CCDC71L: variants seen among roughly 807,000 people sequenced by gnomAD.
CCDC71L encodes coiled-coil domain containing 71 like.
CCDC71L carries 6 observed loss-of-function variants against 10.2 expected under a neutral mutation model. The ratio of observed to expected loss-of-function variants is 0.59; its 90% CI spans 0.32 to 1.16. The LOEUF (loss-of-function observed/expected upper bound fraction) is 1.16, where lower values mean the gene tolerates loss of function less well. Among genes scored for constraint, CCDC71L ranks in the 50% most tolerant of loss-of-function variants. CCDC71L has a pLI of 0.05. For synonymous variants in CCDC71L, 204 were observed against 175.5 expected, an observed-to-expected ratio of 1.16 and a Z score of -1.28; for missense variants, 366 against 383.4, an observed-to-expected ratio of 0.95 and a Z score of 0.38.
At position 106,657,169 on chromosome 7, in the gene CCDC71L, GAATAA is replaced by G. The variant is rs1024451075; in HGVS notation, c.*3015_*3019del. On this transcript the variant is annotated 3_prime_UTR_variant, in exon 1 of 1. Coordinates refer to ENST00000523505, the MANE Select transcript of CCDC71L (RefSeq NM_175884.6). Reference sequence around the variant, plus strand: ...GTTACACTTGTCAATATTCAAACTTGAATAAAATAAACACACATCACAACAGCGAC... The same window carrying G: ...GTTACACTTGTCAATATTCAAACTTGAATAAACACACATCACAACAGCGAC... The G allele has an allele frequency of 6.6e-6, 1 of 152,120 alleles. No individual in the cohort carries two copies. Among genetic ancestry groups the G allele is most frequent in the East Asian group, 1.9e-4 (1 of 5,204 alleles). The allele number at this position is 152,120 out of a possible 1,614,324, so 9.4% of individuals were successfully genotyped here.
rs1365178766 is a variant in CCDC71L at position 106,661,023 on chromosome 7, G to T, written c.-127C>A. ...CGCTACTTTTCTCGCCTCCGCCGCC[G>T]CCCCTCCCCCTCCGAGGGCGGAGGA... On this transcript the variant is annotated 5_prime_UTR_variant, in exon 1 of 1. Transcript: ENST00000523505. 1.6e-6 allele frequency: 2 copies of T among 1,249,444 alleles called. No homozygotes were observed. The highest frequency in any genetic ancestry group is 3.2e-5 in the East Asian group (1 of 30,800). 77.4% of individuals were successfully genotyped at this position (1,249,444 alleles called of 1,614,324 possible). A position where few individuals can be genotyped will look rare whatever the true frequency, so the allele number is the denominator to read the frequency against.
Position 106,659,976 on chromosome 7 carries a change from G to A in CCDC71L, c.*213C>T. ...TCCCTCCGCAGGCCGGGTACGGGAG[G>A]CAGCAGAGGGCACACCTGCCCCAGC... is the stretch of plus-strand genomic sequence containing the variant. On this transcript the variant is annotated 3_prime_UTR_variant, in exon 1 of 1. Coordinates refer to ENST00000523505, the MANE Select transcript of CCDC71L (RefSeq NM_175884.6). 1.6e-6 allele frequency: 1 copy of A among 606,712 alleles called. No individual in the cohort carries two copies. The highest frequency in any genetic ancestry group is 2.6e-6 in the Non-Finnish European group (1 of 380,738). 37.6% of individuals were successfully genotyped at this position (606,712 alleles called of 1,614,324 possible). A position where few individuals can be genotyped will look rare whatever the true frequency, so the allele number is the denominator to read the frequency against.
Position 106,661,032 on chromosome 7 carries a change from C to G in CCDC71L, c.-136G>C, listed in dbSNP as rs753029843. 16 of 1,216,646 alleles carry G rather than the reference C, an allele frequency of 1.3e-5. No homozygotes were observed. In the South Asian group the frequency reaches 2.0e-4, roughly 15 times the overall value. 75.4% of individuals were successfully genotyped at this position (1,216,646 alleles called of 1,614,324 possible). ...TCTCGCCTCCGCCGCCGCCCCTCCC[C>G]CTCCGAGGGCGGAGGACGCGGGCGA... On this transcript the variant is annotated 5_prime_UTR_variant, in exon 1 of 1. Coordinates refer to ENST00000523505, the MANE Select transcript of CCDC71L (RefSeq NM_175884.6).
Position 106,660,592 on chromosome 7 carries a change from G to A in CCDC71L, c.305C>T (p.Ser102Phe), listed in dbSNP as rs374694758. The change falls in exon 1 of 1, where the codon TCC becomes TTC. Residue 102 changes from serine to phenylalanine, a missense_variant. Coordinates refer to ENST00000523505, the MANE Select transcript of CCDC71L (RefSeq NM_175884.6). This position sits in a 1 kb window ranked among gnomAD's most constrained non-coding sequence, Gnocchi z 7.5. The stretch of plus-strand genomic sequence containing the variant: ...GTCGGGTACCAGGGCCCGGCAGGAG[G>A]AGTAGCCGTAGACGTCCTTGCTGCG... ...ILRSKDVYGY[S>F]SCRALVPDPP... 1.3e-6 allele frequency: 2 copies of A among 1,571,244 alleles called. No individual in the cohort carries two copies. The highest frequency in any genetic ancestry group is 1.2e-5 in the South Asian group (1 of 85,920).
chr7:106,655,000 AAG>A lies in CCDC71L; in HGVS notation c.*5187_*5188del, dbSNP rs1429106216. ...CTATGAATGCTTTCGGAAGCTAAAT[AAG>A]TCCAGTTTTGGATTCAGTAGACTAC... On this transcript the variant is annotated 3_prime_UTR_variant, in exon 1 of 1. Coordinates refer to ENST00000523505, the MANE Select transcript of CCDC71L (RefSeq NM_175884.6). Among the ~76,000 whole-genome samples, 2 of 152,188 alleles carry A rather than the reference AAG, an allele frequency of 1.3e-5. No individual in the cohort carries two copies. Among genetic ancestry groups the A allele is most frequent in the Non-Finnish European group, 2.9e-5 (2 of 67,998 alleles).
Position 106,656,644 on chromosome 7 carries a change from G to C in CCDC71L, c.*3545C>G, listed in dbSNP as rs1341595342. 6.6e-6 allele frequency: 1 copy of C among 151,732 alleles called. No individual in the cohort carries two copies. The highest frequency in any genetic ancestry group is 2.1e-4 in the South Asian group (1 of 4,744). The allele number at this position is 151,732 out of a possible 1,614,324, so 9.4% of individuals were successfully genotyped here. ...AAAAAACAAATCTCGAGATTTCTGG[G>C]AATTTGAAGTTCACAAAAAAGTCAA... is the stretch of plus-strand genomic sequence containing the variant. On this transcript the variant is annotated 3_prime_UTR_variant, in exon 1 of 1. Coordinates refer to ENST00000523505, the MANE Select transcript of CCDC71L (RefSeq NM_175884.6).
In CCDC71L at chr7:106,660,892, C is replaced by T. The variant is rs1792586331; in HGVS notation, c.5G>A (p.Arg2Gln). 1.4e-6 allele frequency: 2 copies of T among 1,408,354 alleles called. No homozygotes were observed. Among genetic ancestry groups the T allele is most frequent in the South Asian group, 1.6e-5 (1 of 63,346 alleles). 87.2% of individuals were successfully genotyped at this position (1,408,354 alleles called of 1,614,324 possible). Residue 2 changes from arginine to glutamine, a missense_variant, in exon 1 of 1, where the codon CGG becomes CAG. Physicochemically the swap from Arg to Gln is conservative, Grantham distance 43. Coordinates refer to ENST00000523505, the MANE Select transcript of CCDC71L (RefSeq NM_175884.6). The surrounding 1 kb of genome is among the most constrained non-coding windows in gnomAD (Gnocchi z 7.5). Reference sequence around the variant, plus strand: ...GCGCCGCCGCCTCTTCATACTGCGCCGCATCGAAGGCCGCTCCGGGCCACT... The same window carrying T: ...GCGCCGCCGCCTCTTCATACTGCGCTGCATCGAAGGCCGCTCCGGGCCACT... M[R>Q]RSMKRRRRRR...
rs148000228 is a variant in CCDC71L at position 106,656,207 on chromosome 7, G to A, written c.*3982C>T. Among the ~76,000 whole-genome samples, 105 of 152,136 alleles carry A rather than the reference G, an allele frequency of 6.9e-4. No individual in the cohort carries two copies. The highest frequency in any genetic ancestry group is 2.4e-3 in the African/African-American group (99 of 41,522). ...TGTGACTCCACAACTATTACACTACGCTTCCTCCAACTAATAGGAACTTAG... is the reference window on the plus strand; with the variant it reads ...TGTGACTCCACAACTATTACACTACACTTCCTCCAACTAATAGGAACTTAG... On this transcript the variant is annotated 3_prime_UTR_variant, in exon 1 of 1. Coordinates refer to ENST00000523505, the MANE Select transcript of CCDC71L (RefSeq NM_175884.6).
rs1792487670 is a variant in CCDC71L at position 106,656,223 on chromosome 7, A to C, written c.*3966T>G. 6.6e-6 allele frequency among the ~76,000 whole-genome samples: 1 copy of C among 152,198 alleles called. No homozygotes were observed. The highest frequency in any genetic ancestry group is 2.1e-4 in the South Asian group (1 of 4,834). The stretch of plus-strand genomic sequence containing the variant: ...TTACACTACGCTTCCTCCAACTAAT[A>C]GGAACTTAGGTACAAAGACAAATTC... On this transcript the variant is annotated 3_prime_UTR_variant, in exon 1 of 1. Transcript: ENST00000523505.
rs557791273 is a variant in CCDC71L at position 106,661,056 on chromosome 7, G to C, written c.-160C>G. On this transcript the variant is annotated 5_prime_UTR_variant, in exon 1 of 1. Transcript: ENST00000523505. ...CCCTCCGAGGGCGGAGGACGCGGGC[G>C]AATATCCTGCTGCCCGGTACAAGAT... is the stretch of plus-strand genomic sequence containing the variant. The C allele has an allele frequency of 1.8e-6, 2 of 1,090,342 alleles. No homozygotes were observed. Among genetic ancestry groups the C allele is most frequent in the Non-Finnish European group, 1.2e-6 (1 of 834,806 alleles). 67.5% of individuals were successfully genotyped at this position (1,090,342 alleles called of 1,614,324 possible).
At position 106,655,585 on chromosome 7, in the gene CCDC71L, G is replaced by C. The variant is rs572567524; in HGVS notation, c.*4604C>G. Among the ~76,000 whole-genome samples the C allele has an allele frequency of 6.6e-6, 1 of 152,200 alleles. No homozygotes were observed. Among genetic ancestry groups the C allele is most frequent in the Non-Finnish European group, 1.5e-5 (1 of 67,996 alleles). On this transcript the variant is annotated 3_prime_UTR_variant, in exon 1 of 1. Coordinates refer to ENST00000523505, the MANE Select transcript of CCDC71L (RefSeq NM_175884.6). ...TGAGCTTACTCTAAGCAAATATGTA[G>C]TCCAAAACTTTTGTAAGTTCTTGGA...
In CCDC71L at chr7:106,660,615, G is replaced by A; in HGVS notation, c.282C>T (p.Arg94=). Reference sequence around the variant, plus strand: ...AGGAGTAGCCGTAGACGTCCTTGCTGCGCAGGATGTGCGGGGAGAACTGGT... The same window carrying A: ...AGGAGTAGCCGTAGACGTCCTTGCTACGCAGGATGTGCGGGGAGAACTGGT... ...LKHQFSPHIL[R]SKDVYGYSSC... is the part of the protein sequence containing the mutation. Residue 94 remains arginine, a synonymous_variant, in exon 1 of 1, where the codon CGC becomes CGT. Coordinates refer to ENST00000523505, the MANE Select transcript of CCDC71L (RefSeq NM_175884.6). This position sits in a 1 kb window ranked among gnomAD's most constrained non-coding sequence, Gnocchi z 7.5. 2 of 1,587,846 alleles carry A rather than the reference G, an allele frequency of 1.3e-6. No individual in the cohort carries two copies. Among genetic ancestry groups the A allele is most frequent in the Non-Finnish European group, 1.7e-6 (2 of 1,167,782 alleles).
Position 106,654,686 on chromosome 7 carries a change from G to A in CCDC71L, c.*5503C>T, listed in dbSNP as rs1357750996. Among the ~76,000 whole-genome samples, 2 of 152,028 alleles carry A rather than the reference G, an allele frequency of 1.3e-5. No individual in the cohort carries two copies. Among genetic ancestry groups the A allele is most frequent in the Admixed American group, 6.5e-5 (1 of 15,278 alleles). On this transcript the variant is annotated 3_prime_UTR_variant, in exon 1 of 1. Coordinates refer to ENST00000523505, the MANE Select transcript of CCDC71L (RefSeq NM_175884.6). ...TAGGTAATGGCTGATGGGGTGTTAGGGAGGACTTCAGGGGTACTCATAACT... is the reference window on the plus strand; with the variant it reads ...TAGGTAATGGCTGATGGGGTGTTAGAGAGGACTTCAGGGGTACTCATAACT...
rs1489968821 is a variant in CCDC71L, at chr7:106,661,118, C to T, written c.-222G>A. The T allele has an allele frequency of 2.8e-5, 14 of 506,076 alleles. No homozygotes were observed. The highest frequency in any genetic ancestry group is 3.2e-6 in the Non-Finnish European group (1 of 315,522). The allele number at this position is 506,076 out of a possible 1,614,324, so 31.3% of individuals were successfully genotyped here. ...CCCACCCCTGGGCTTTGTCATTGGACGGCGCCTCGCCCCCCTGGTTTCTCT... is the reference window on the plus strand; with the variant it reads ...CCCACCCCTGGGCTTTGTCATTGGATGGCGCCTCGCCCCCCTGGTTTCTCT... On this transcript the variant is annotated 5_prime_UTR_variant, in exon 1 of 1. Transcript: ENST00000523505.
rs1305846278 is a variant in CCDC71L at position 106,655,764 on chromosome 7, A to G, written c.*4425T>C. On this transcript the variant is annotated 3_prime_UTR_variant, in exon 1 of 1. Coordinates refer to ENST00000523505, the MANE Select transcript of CCDC71L (RefSeq NM_175884.6). ...AATTGTAATAAATCAACTTAATCCAATCTCCTACTGCATAGTCAGCAAGCT... is the reference window on the plus strand; with the variant it reads ...AATTGTAATAAATCAACTTAATCCAGTCTCCTACTGCATAGTCAGCAAGCT... 6.6e-6 allele frequency among the ~76,000 whole-genome samples: 1 copy of G among 152,176 alleles called. No individual in the cohort carries two copies. Among genetic ancestry groups the G allele is most frequent in the Non-Finnish European group, 1.5e-5 (1 of 68,020 alleles).
In CCDC71L at chr7:106,661,111, C is replaced by G; in HGVS notation, c.-215G>C. 1 of 540,964 alleles carries G rather than the reference C, an allele frequency of 1.8e-6. No individual in the cohort carries two copies. The highest frequency in any genetic ancestry group is 3.7e-5 in the East Asian group (1 of 26,766). 33.5% of individuals were successfully genotyped at this position (540,964 alleles called of 1,614,324 possible). A position where few individuals can be genotyped will look rare whatever the true frequency, so the allele number is the denominator to read the frequency against. The stretch of plus-strand genomic sequence containing the variant: ...GCCGGCGCCCACCCCTGGGCTTTGT[C>G]ATTGGACGGCGCCTCGCCCCCCTGG... On this transcript the variant is annotated 5_prime_UTR_variant, in exon 1 of 1. An upstream start codon of the reference 5' UTR is lost. Coordinates refer to ENST00000523505, the MANE Select transcript of CCDC71L (RefSeq NM_175884.6).
Position 106,660,774 on chromosome 7 carries a change from CA to C in CCDC71L, c.122del (p.Val41GlyfsTer31). ...CCAGCGACAGTTGCGACCGCGAGTA[CA>C]CCACCTTCTCCTCCCGCGCCTCCAA... ...AGLEAREEKVVYSRSQLSLAD... is the reference protein window; with the variant it reads ...AGLEAREEKVXYSRSQLSLAD... On this transcript the variant is annotated frameshift_variant, in exon 1 of 1. Transcript: ENST00000523505. LOFTEE classifies it high-confidence loss of function. This position sits in a 1 kb window ranked among gnomAD's most constrained non-coding sequence, Gnocchi z 7.5. 6.4e-7 allele frequency: 1 copy of C among 1,551,182 alleles called. No individual in the cohort carries two copies. The highest frequency in any genetic ancestry group is 8.7e-7 in the Non-Finnish European group (1 of 1,147,340).
rs1034638090 is a variant in CCDC71L, at chr7:106,654,900, A to C, written c.*5289T>G. 9.9e-5 allele frequency among the ~76,000 whole-genome samples: 15 copies of C among 152,104 alleles called. No homozygotes were observed. Among genetic ancestry groups the C allele is most frequent in the African/African-American group, 3.4e-4 (14 of 41,404 alleles). On this transcript the variant is annotated 3_prime_UTR_variant, in exon 1 of 1. Coordinates refer to ENST00000523505, the MANE Select transcript of CCDC71L (RefSeq NM_175884.6). Reference sequence around the variant, plus strand: ...TCTTTAAAGAATATGTACTTGAAAAAAATCCTTGAAAAGAGAAATATGTAC... The same window carrying C: ...TCTTTAAAGAATATGTACTTGAAAACAATCCTTGAAAAGAGAAATATGTAC...
chr7:106,654,699 G>C lies in CCDC71L; in HGVS notation c.*5490C>G, dbSNP rs570198608. ...ATGGGGTGTTAGGGAGGACTTCAGG[G>C]GTACTCATAACTGTATTTTTTTAAT... On this transcript the variant is annotated 3_prime_UTR_variant, in exon 1 of 1. Coordinates refer to ENST00000523505, the MANE Select transcript of CCDC71L (RefSeq NM_175884.6). Among the ~76,000 whole-genome samples the C allele has an allele frequency of 6.6e-6, 1 of 152,042 alleles. No homozygotes were observed. Among genetic ancestry groups the C allele is most frequent in the Admixed American group, 6.5e-5 (1 of 15,282 alleles).
Sources: allele counts gnomAD v4.1 joint callset (sites outside exome capture counted in the v4.1 genomes callset), GRCh38; gene constraint gnomAD v4.1.1; non-coding constraint Gnocchi (gnomAD v3.1); transcripts MANE v1.5; gene names NCBI Gene and HGNC (gene_info 2026-07-23, HGNC 2026-07-21).